FLCN: variants seen among roughly 807,000 people sequenced by gnomAD.
FLCN encodes the protein folliculin.
A neutral mutation model predicts 62.5 loss-of-function variants in FLCN; 22 were observed. The ratio of observed to expected loss-of-function variants is 0.35; its 90% CI spans 0.25 to 0.50. FLCN has a LOEUF of 0.50. Among genes scored for constraint, FLCN ranks in the 20% least tolerant of loss-of-function variants. The pLI, the probability that FLCN is intolerant of heterozygous loss-of-function variation, is 0.97. For synonymous variants in FLCN, 319 were observed against 310.0 expected, an observed-to-expected ratio of 1.03 and a Z score of -0.30; for missense variants, 657 against 778.0, an observed-to-expected ratio of 0.84 and a Z score of 1.85.
rs112496006 is a variant in FLCN, at chr17:17,222,451, C to A, written c.779+50G>T. 3,327 of 1,612,692 alleles carry A rather than the reference C, an allele frequency of 2.1e-3. 14 individuals carry two copies. The Middle Eastern group carries it at 0.025, about 12-fold the overall frequency. On this transcript the variant is annotated intron_variant, in intron 7 of 13. Coordinates refer to ENST00000285071, the MANE Select transcript of FLCN (RefSeq NM_144997.7). ...TCCATGGACAAGCCAACCAATGTAT[C>A]GTGACTGCTCTATCCTAACAGATAT...
Position 17,217,311 on chromosome 17 carries a change from T to C in FLCN, c.1063-129A>G. ...ACAGGGCTCAGGAGAAAGACACTTA[T>C]CTTCTCAGGGAGGCGGGTGCCCGGC... On this transcript the variant is annotated intron_variant, in intron 9 of 13. Transcript: ENST00000285071. 1.3e-6 allele frequency: 1 copy of C among 741,244 alleles called. No individual in the cohort carries two copies. The highest frequency in any genetic ancestry group is 1.5e-5 in the South Asian group (1 of 67,650). The allele number at this position is 741,244 out of a possible 1,614,324, so 45.9% of individuals were successfully genotyped here. A position where few individuals can be genotyped will look rare whatever the true frequency, so the allele number is the denominator to read the frequency against.
rs2046918349 is a variant in FLCN, at chr17:17,216,353, G to A, written c.1300+27C>T. 2 of 1,612,566 alleles carry A rather than the reference G, an allele frequency of 1.2e-6. No homozygotes were observed. Among genetic ancestry groups the A allele is most frequent in the Non-Finnish European group, 1.7e-6 (2 of 1,179,478 alleles). On this transcript the variant is annotated intron_variant, in intron 11 of 13. Transcript: ENST00000285071. This position sits in a 1 kb window ranked among gnomAD's most constrained non-coding sequence, Gnocchi z 4.0. ...CGTGGGGAACCTCAGCGCAGGGCATGGCCCCACAGCCCGCGGGGGCACGCA... is the reference window on the plus strand; with the variant it reads ...CGTGGGGAACCTCAGCGCAGGGCATAGCCCCACAGCCCGCGGGGGCACGCA...
At position 17,226,265 on chromosome 17, in the gene FLCN, A is replaced by T; in HGVS notation, c.307T>A (p.Ser103Thr). The T allele has an allele frequency of 6.2e-7, 1 of 1,614,114 alleles. No homozygotes were observed. The change falls in exon 5 of 14, where the codon TCC becomes ACC. Residue 103 changes from serine to threonine, a missense_variant. Physicochemically the swap from Ser to Thr is moderately conservative, Grantham distance 58. Coordinates refer to ENST00000285071, the MANE Select transcript of FLCN (RefSeq NM_144997.7). Reference protein sequence around the residue: ...PGYISHDKETSIKYVSHQHPS... With the variant: ...PGYISHDKETTIKYVSHQHPS... ...TGCTGGTGGCTGACGTATTTAATGGAGGTCTCTTTATCATGGCTGATATAT... is the reference window on the plus strand; with the variant it reads ...TGCTGGTGGCTGACGTATTTAATGGTGGTCTCTTTATCATGGCTGATATAT...
Position 17,212,980 on chromosome 17 carries a change from T to C in FLCN, c.*675A>G, listed in dbSNP as rs2046799643. 1 of 237,988 alleles carries C rather than the reference T, an allele frequency of 4.2e-6. No individual in the cohort carries two copies. The highest frequency in any genetic ancestry group is 8.3e-6 in the Non-Finnish European group (1 of 120,656). The allele number at this position is 237,988 out of a possible 1,614,324, so 14.7% of individuals were successfully genotyped here. On this transcript the variant is annotated 3_prime_UTR_variant, in exon 14 of 14. Coordinates refer to ENST00000285071, the MANE Select transcript of FLCN (RefSeq NM_144997.7). ...TTGCCGACCCCTCAGCAACCTGTCT[T>C]GTGCAAAAATGATCAGGGACTCCAT...
In FLCN at chr17:17,216,609, A is replaced by G; in HGVS notation, c.1177-106T>C. ...CACACGCCTCCTGCAGCCCGGTCCAAGCCCTCCCTCCTGCCAGAGGAGTCC... is the reference window on the plus strand; with the variant it reads ...CACACGCCTCCTGCAGCCCGGTCCAGGCCCTCCCTCCTGCCAGAGGAGTCC... On this transcript the variant is annotated intron_variant, in intron 10 of 13. Coordinates refer to ENST00000285071, the MANE Select transcript of FLCN (RefSeq NM_144997.7). The surrounding 1 kb of genome is among the most constrained non-coding windows in gnomAD (Gnocchi z 4.0). 3.2e-6 allele frequency: 5 copies of G among 1,542,598 alleles called. No homozygotes were observed. The South Asian group carries it at 3.5e-5, about 11-fold the overall frequency.
At position 17,224,021 on chromosome 17, in the gene FLCN, G is replaced by C. The variant is rs2144976597; in HGVS notation, c.519C>G (p.Ile173Met). Residue 173 changes from isoleucine (I) to methionine (M), a missense_variant, in exon 6 of 14, where the codon ATC becomes ATG. Physicochemically the swap from Ile to Met is conservative, Grantham distance 10 (BLOSUM62 1). Coordinates refer to ENST00000285071, the MANE Select transcript of FLCN (RefSeq NM_144997.7). The part of the protein sequence containing the change: ...ARGFQRWYSI[I>M]TIMMDRIYLI... ...GGTAGATCCGGTCCATCATGATGGTGATGATGCTGTACCAGCGCTGGAAGC... is the reference window on the plus strand; with the variant it reads ...GGTAGATCCGGTCCATCATGATGGTCATGATGCTGTACCAGCGCTGGAAGC... 6.2e-7 allele frequency: 1 copy of C among 1,613,812 alleles called. No individual in the cohort carries two copies. The highest frequency in any genetic ancestry group is 8.5e-7 in the Non-Finnish European group (1 of 1,180,024).
intron 13 of FLCN, among the ~76,000 whole-genome samples, chr17:17,214,356 G>A (rs1013823172): frequency 6.6e-6 from 1 of 151,762 alleles, no homozygotes; most frequent in African/African-American, 2.4e-5. Context: ...AGCACTTTGG[G>A]AGGCCAAGGT....
rs924327954 is a variant in FLCN at position 17,213,296 on chromosome 17, T to C, written c.*359A>G. 14 of 452,946 alleles carry C rather than the reference T, an allele frequency of 3.1e-5. No individual in the cohort carries two copies. Among genetic ancestry groups the C allele is most frequent in the Non-Finnish European group, 5.3e-5 (13 of 244,108 alleles). 28.1% of individuals were successfully genotyped at this position (452,946 alleles called of 1,614,324 possible). On this transcript the variant is annotated 3_prime_UTR_variant, in exon 14 of 14. Coordinates refer to ENST00000285071, the MANE Select transcript of FLCN (RefSeq NM_144997.7). The stretch of plus-strand genomic sequence containing the variant: ...GTTAACCTCGGGAGCAGACATGTTA[T>C]TGCGACTGCATACTGAGTCGGACCT...
At chr17:17,223,814 T>A in intron 6 of FLCN, 108 bp downstream of exon 6, 1 of 1,114,214 alleles carries the variant, frequency 9.0e-7, no homozygotes, top group Non-Finnish European at 1.3e-6. Flanking sequence ...GCACTGGCTG[T>A]AAGCAGAGGG....
chr17:17,217,513 A>G, intron 9 of FLCN: 1 of 382,336 alleles, frequency 2.6e-6, no homozygotes, highest in South Asian at 2.1e-5. Flanking sequence ...AACCATTTGA[A>G]AGCAAGCTGT....
chr17:17,220,473 C>T (rs549743533), intron 8 of FLCN: 15 of 152,370 alleles, frequency 9.8e-5, no homozygotes, highest in African/African-American at 3.6e-4. Context: ...ATGGAGCCCT[C>T]ACAAATGACA....
At chr17:17,223,079 A>G in intron 6 of FLCN, 1 of 308,336 alleles carries the variant, frequency 3.2e-6, no homozygotes, top group Non-Finnish European at 6.4e-6. Context: ...GGAGGGCAGA[A>G]GGAGCAACAT....
At chr17:17,224,233 G>C (rs920787237) in intron 5 of FLCN, 90 bp from the exon 6 acceptor site, 35 of 1,193,034 alleles carry the variant, frequency 2.9e-5, no homozygotes, top group Middle Eastern at 2.6e-4. Context: ...GAGTCAGCTG[G>C]CACAAATCAG....
rs2046947837 is a variant in FLCN, at chr17:17,217,063, T to C, written c.1176+6A>G. Reference sequence around the variant, plus strand: ...CGCCGCACACCTAAGGAAAAGATGTTCTCACCCGAAGTACTTCAAAAGCTG... The same window carrying C: ...CGCCGCACACCTAAGGAAAAGATGTCCTCACCCGAAGTACTTCAAAAGCTG... On this transcript the variant is annotated splice_donor_region_variant and intron_variant, in intron 10 of 13. Coordinates refer to ENST00000285071, the MANE Select transcript of FLCN (RefSeq NM_144997.7). 1.9e-6 allele frequency: 3 copies of C among 1,598,706 alleles called. No homozygotes were observed. Among genetic ancestry groups the C allele is most frequent in the Non-Finnish European group, 2.6e-6 (3 of 1,166,222 alleles).
At chr17:17,214,413 C>G (rs567168074) in intron 13 of FLCN, among the ~76,000 whole-genome samples, 9 of 151,212 alleles carry the variant, frequency 6.0e-5, no homozygotes, top group East Asian at 2.1e-4. Flanking sequence ...GGCCAACATG[C>G]TAAAACCCTG....
rs2046943365 is a variant in FLCN at position 17,216,937 on chromosome 17, C to A, written c.1176+132G>T. On this transcript the variant is annotated intron_variant, in intron 10 of 13. Transcript: ENST00000285071. This position sits in a 1 kb window ranked among gnomAD's most constrained non-coding sequence, Gnocchi z 4.0. Reference sequence around the variant, plus strand: ...GACCCGGGTCTCCGTGCCCACTGCGCCCCCAGTGGAGACCGTGTGGTGCAC... The same window carrying A: ...GACCCGGGTCTCCGTGCCCACTGCGACCCCAGTGGAGACCGTGTGGTGCAC... The A allele has an allele frequency of 1.3e-6, 1 of 741,296 alleles. No individual in the cohort carries two copies. Among genetic ancestry groups the A allele is most frequent in the Non-Finnish European group, 2.4e-6 (1 of 415,412 alleles). The allele number at this position is 741,296 out of a possible 1,614,324, so 45.9% of individuals were successfully genotyped here. A position where few individuals can be genotyped will look rare whatever the true frequency, so the allele number is the denominator to read the frequency against.
At chr17:17,214,201 G>A (rs2046836537) in intron 13 of FLCN, among the ~76,000 whole-genome samples, 1 of 152,110 alleles carries the variant, frequency 6.6e-6, no homozygotes, top group Non-Finnish European at 1.5e-5. Context: ...AAGCTTCACT[G>A]CATGATTTTA....
At position 17,213,643 on chromosome 17, in the gene FLCN, G is replaced by A; in HGVS notation, c.*12C>T. On this transcript the variant is annotated 3_prime_UTR_variant, in exon 14 of 14. Coordinates refer to ENST00000285071, the MANE Select transcript of FLCN (RefSeq NM_144997.7). Reference sequence around the variant, plus strand: ...CAGCCATCCCTGTCTTTAGGCAGGTGTGTGTGACGGGTCAGTTCCGAGACT... The same window carrying A: ...CAGCCATCCCTGTCTTTAGGCAGGTATGTGTGACGGGTCAGTTCCGAGACT... 6.2e-7 allele frequency: 1 copy of A among 1,614,162 alleles called. No individual in the cohort carries two copies. Among genetic ancestry groups the A allele is most frequent in the Non-Finnish European group, 8.5e-7 (1 of 1,180,030 alleles).
chr17:17,214,847 C>T (rs956737821), intron 13 of FLCN, 138 bp downstream of exon 13: 25 of 874,974 alleles, frequency 2.9e-5, no homozygotes, highest in East Asian at 2.1e-4. Context: ...CAGTGGCGGA[C>T]GTGGAGTTGG....
Sources: allele counts gnomAD v4.1 joint callset (sites outside exome capture counted in the v4.1 genomes callset), GRCh38; gene constraint gnomAD v4.1.1; non-coding constraint Gnocchi (gnomAD v3.1); transcripts MANE v1.5; gene names NCBI Gene and HGNC (gene_info 2026-07-23, HGNC 2026-07-21).